Variants in PHACTR3 observed in about 807,000 individuals in gnomAD.
The protein encoded by PHACTR3 is phosphatase and actin regulator 3.
In PHACTR3, 16 loss-of-function variants were observed where a neutral mutation model predicts 66.8. The ratio of observed to expected loss-of-function variants is 0.24; its 90% CI spans 0.16 to 0.36. The LOEUF is 0.36. Among genes scored for constraint, PHACTR3 ranks in the 10% least tolerant of loss-of-function variants. The probability of loss-of-function intolerance (pLI) is 1.00; values close to 1 mark genes in which losing one functional copy is unlikely to be tolerated. For missense variants in PHACTR3, 647 were observed against 719.9 expected, an observed-to-expected ratio of 0.90 and a Z score of 1.16; for synonymous variants, 323 against 292.1, an observed-to-expected ratio of 1.11 and a Z score of -1.08.
At chr20:59,794,874 T>G (rs891445089) in intron 7 of PHACTR3, among the ~76,000 whole-genome samples, 2 of 152,184 alleles carry the variant, frequency 1.3e-5, no homozygotes, top group African/African-American at 4.8e-5. Context: ...ATTCCTTCTG[T>G]GGTATCTAAT....
chr20:59,819,965 A>T (rs939388577), intron 8 of PHACTR3, among the ~76,000 whole-genome samples: 3 of 152,142 alleles, frequency 2.0e-5, no homozygotes, highest in African/African-American at 7.2e-5. Context: ...TTAGCAATTT[A>T]TGATTTTCTT....
chr20:59,793,772 T>G (rs2041171821), intron 7 of PHACTR3, among the ~76,000 whole-genome samples: 1 of 152,082 alleles, frequency 6.6e-6, no homozygotes, highest in Non-Finnish European at 1.5e-5. Context: ...TTTTTTTCTG[T>G]AGCCTAATTG....
At chr20:59,616,404 G>C (rs1028298027) in intron 1 of PHACTR3, among the ~76,000 whole-genome samples, 2 of 152,210 alleles carry the variant, frequency 1.3e-5, no homozygotes, top group African/African-American at 4.8e-5. Context: ...AGATGCAGGA[G>C]GGAGGGCTTT....
chr20:59,797,855 T>C (rs554693955), intron 7 of PHACTR3, among the ~76,000 whole-genome samples: 27 of 152,304 alleles, frequency 1.8e-4, no homozygotes, highest in African/African-American at 6.5e-4. Flanking sequence ...ACAATTTTTA[T>C]AAATTGTTGG....
At chr20:59,638,989 G>A (rs1208453802) in intron 1 of PHACTR3, among the ~76,000 whole-genome samples, 3 of 141,838 alleles carry the variant, frequency 2.1e-5, no homozygotes, top group East Asian at 4.6e-4. Context: ...CGGCTAGGTA[G>A]ACATACCAGT....
chr20:59,793,503 T>A (rs1366619119), intron 7 of PHACTR3, among the ~76,000 whole-genome samples: 1 of 152,220 alleles, frequency 6.6e-6, no homozygotes, highest in African/African-American at 2.4e-5. Flanking sequence ...TTCATCTCCT[T>A]GGTTATATTT....
At chr20:59,833,195 C>A (rs1255088427) in intron 8 of PHACTR3, among the ~76,000 whole-genome samples, 1 of 152,214 alleles carries the variant, frequency 6.6e-6, no homozygotes, top group African/African-American at 2.4e-5. Context: ...ACTGCATATT[C>A]TAGACCATTC....
intron 1 of PHACTR3, among the ~76,000 whole-genome samples, chr20:59,622,996 A>AAAAAAAAAAAAAAAAAAAAAAAAAAAC (rs1568940612): frequency 8.9e-5 from 13 of 146,534 alleles, no homozygotes; most frequent in African/African-American, 3.1e-4. Flanking sequence ...AAAAAAAAAA[A>AAAAAAAAAAAAAAAAAAAAAAAAAAAC]AAAAACCCAA....
intron 1 of PHACTR3, among the ~76,000 whole-genome samples, chr20:59,643,364 T>G (rs1254984960): frequency 6.6e-6 from 1 of 152,202 alleles, no homozygotes; most frequent in African/African-American, 2.4e-5. Context: ...CTGACTTCCT[T>G]GTTCCTTTAA....
At chr20:59,605,259 G>GC (rs2033619619) in intron 1 of PHACTR3, 127 bp downstream of exon 1, 2 of 592,358 alleles carry the variant, frequency 3.4e-6, no homozygotes, top group East Asian at 7.1e-5. Context: ...CCCGCGCTCG[G>GC]CCCCGCGGTT....
chr20:59,638,318 T>C (rs550798019), intron 1 of PHACTR3, among the ~76,000 whole-genome samples: 9 of 152,302 alleles, frequency 5.9e-5, no homozygotes, highest in African/African-American at 1.9e-4. Flanking sequence ...CCCTTATCTA[T>C]GCCTTATACA....
intron 5 of PHACTR3, among the ~76,000 whole-genome samples, chr20:59,768,806 C>T (rs543442890): frequency 8.5e-4 from 129 of 152,334 alleles, no homozygotes; most frequent in Non-Finnish European, 1.7e-3. Context: ...ACACCTAACA[C>T]GAATTAAGTA....
intron 1 of PHACTR3, chr20:59,628,233 G>A (rs2034528661): frequency 6.6e-6 from 1 of 152,236 alleles, no homozygotes; most frequent in African/African-American, 2.4e-5. Flanking sequence ...GAGAGTACTT[G>A]GGAGCTCCGA....
chr20:59,607,170 G>GA (rs2033699842), intron 1 of PHACTR3, among the ~76,000 whole-genome samples: 1 of 152,150 alleles, frequency 6.6e-6, no homozygotes, highest in African/African-American at 2.4e-5. Context: ...GTGCATACTT[G>GA]TCTTTGGGCA....
intron 1 of PHACTR3, among the ~76,000 whole-genome samples, chr20:59,659,267 A>G (rs1189660365): frequency 6.6e-6 from 1 of 151,478 alleles, no homozygotes; most frequent in Non-Finnish European, 1.5e-5. Context: ...TTTATACTAC[A>G]TGTCAGGCAT....
At chr20:59,713,462 G>A (rs77873469) in intron 1 of PHACTR3, among the ~76,000 whole-genome samples, 2,233 of 152,148 alleles carry the variant, frequency 0.015, 31 homozygotes, top group Non-Finnish European at 0.023. Flanking sequence ...AATTTACATC[G>A]TCTTGATTAG....
At chr20:59,619,885 C>T (rs981589398) in intron 1 of PHACTR3, among the ~76,000 whole-genome samples, 7 of 152,176 alleles carry the variant, frequency 4.6e-5, no homozygotes, top group Non-Finnish European at 5.9e-5. Context: ...TGTGCTGCCT[C>T]GGTTTCCTGA....
chr20:59,724,139 C>T (rs1237780644), intron 1 of PHACTR3, among the ~76,000 whole-genome samples: 3 of 152,172 alleles, frequency 2.0e-5, no homozygotes, highest in African/African-American at 7.2e-5. Context: ...CCAACGTGCA[C>T]CCTCAGGGTC....
intron 1 of PHACTR3, among the ~76,000 whole-genome samples, chr20:59,723,512 A>G (rs903148291): frequency 2.0e-5 from 3 of 152,090 alleles, no homozygotes; most frequent in African/African-American, 7.2e-5. Context: ...GTTGATGGGC[A>G]TTTGGGTTTC....
Sources: allele counts gnomAD v4.1 joint callset (sites outside exome capture counted in the v4.1 genomes callset), GRCh38; gene constraint gnomAD v4.1.1; transcripts MANE v1.5; gene names NCBI Gene and HGNC (gene_info 2026-07-23, HGNC 2026-07-21).